PRKCD: variants seen among roughly 807,000 people sequenced by gnomAD.
PRKCD encodes protein kinase C delta type.
A neutral mutation model predicts 82.2 loss-of-function variants in PRKCD; 20 were observed. The observed-to-expected ratio is 0.24, with a 90% confidence interval of 0.17 to 0.35. The LOEUF is 0.35. PRKCD is among the 10% of genes least tolerant of loss of function. The pLI is 1.00. For synonymous variants in PRKCD, 317 were observed against 337.0 expected, an observed-to-expected ratio of 0.94 and a Z score of 0.65; for missense variants, 607 against 899.0, an observed-to-expected ratio of 0.68 and a Z score of 4.15.
At chr3:53,184,759 C>A in intron 9 of PRKCD, 115 bp from the exon 10 acceptor site, 1 of 728,966 alleles carries the variant, frequency 1.4e-6, no homozygotes, top group Non-Finnish European at 2.4e-6. Context: ...GAAACTGGAA[C>A]CCAGCAGACC....
chr3:53,182,988 G>T (rs752403737), intron 7 of PRKCD, 133 bp from the exon 8 acceptor site: 3 of 828,388 alleles, frequency 3.6e-6, no homozygotes, highest in Admixed American at 2.1e-5. Context: ...GGGCCTCTGC[G>T]GGGTGAGGGT....
chr3:53,168,958 C>T (rs116133750), intron 2 of PRKCD, among the ~76,000 whole-genome samples: 2,675 of 151,818 alleles, frequency 0.018, 73 homozygotes, highest in African/African-American at 0.06. Flanking sequence ...CTGAAAAGCC[C>T]CGTCTGGTGG....
At position 53,192,268 on chromosome 3, in the gene PRKCD, G is replaced by A; in HGVS notation, c.*2G>A. On this transcript the variant is annotated 3_prime_UTR_variant, in exon 19 of 19. Coordinates refer to ENST00000330452, the MANE Select transcript of PRKCD (RefSeq NM_006254.4). ...TTCGAGCACCTCCTGGAAGATTGAG[G>A]TTCCTGGACAGATCAGGCTAGCCCT... 2 of 1,613,932 alleles carry A rather than the reference G, an allele frequency of 1.2e-6. No homozygotes were observed. Among genetic ancestry groups the A allele is most frequent in the African/African-American group, 2.7e-5 (2 of 74,988 alleles).
rs1403111948 is a variant in PRKCD at position 53,192,314 on chromosome 3, C to T, written c.*48C>T. 7 of 1,595,132 alleles carry T rather than the reference C, an allele frequency of 4.4e-6. No homozygotes were observed. The highest frequency in any genetic ancestry group is 4.5e-5 in the East Asian group (2 of 44,610). ...GCCCTGCCCTCCACCCACACCTGCC[C>T]GCTCCCCACGATAAGCACCAGTGGG... is the stretch of plus-strand genomic sequence containing the variant. On this transcript the variant is annotated 3_prime_UTR_variant, in exon 19 of 19. Transcript: ENST00000330452.
chr3:53,182,709 A>G (rs1179056720), intron 7 of PRKCD, among the ~76,000 whole-genome samples: 2 of 152,346 alleles, frequency 1.3e-5, no homozygotes, highest in South Asian at 4.1e-4. Context: ...ATTATTACAC[A>G]TGCTTTGTGT....
At chr3:53,175,936 C>T (rs548212412) in intron 2 of PRKCD, among the ~76,000 whole-genome samples, 1 of 152,322 alleles carries the variant, frequency 6.6e-6, no homozygotes, top group Admixed American at 6.5e-5. Flanking sequence ...TGCACATGTG[C>T]GAGGCCAGGC....
intron 18 of PRKCD, among the ~76,000 whole-genome samples, chr3:53,190,245 C>T (rs1553670558): frequency 1.3e-5 from 2 of 152,168 alleles, no homozygotes. Context: ...AGAGTTAAGA[C>T]CTCACTTTAT....
At position 53,167,937 on chromosome 3, in the gene PRKCD, C is replaced by T. The variant is rs532546307; in HGVS notation, c.-20+2722C>T. Reference sequence around the variant, plus strand: ...TCCTGTTGGAGCAGCTCCACCCACTCAGCAGTCCAGCCCCTGCCTGCTCTT... The same window carrying T: ...TCCTGTTGGAGCAGCTCCACCCACTTAGCAGTCCAGCCCCTGCCTGCTCTT... On this transcript the variant is annotated intron_variant, in intron 2 of 18. Coordinates refer to ENST00000330452, the MANE Select transcript of PRKCD (RefSeq NM_006254.4). Among the ~76,000 whole-genome samples, 4 of 152,344 alleles carry T rather than the reference C, an allele frequency of 2.6e-5. No homozygotes were observed. The South Asian group carries it at 8.3e-4, about 32-fold the overall frequency.
In PRKCD at chr3:53,183,194, C is replaced by T. The variant is rs1703518480; in HGVS notation, c.645C>T (p.Ser215=). Residue 215 remains serine, a synonymous_variant, in exon 8 of 19, where the codon AGC becomes AGT. Coordinates refer to ENST00000330452, the MANE Select transcript of PRKCD (RefSeq NM_006254.4). ...GATGCACTGGCACCGCGGCCAACAGCCGGGACACTATAGTGAGCCTGGGTC... is the reference window on the plus strand; with the variant it reads ...GATGCACTGGCACCGCGGCCAACAGTCGGGACACTATAGTGAGCCTGGGTC... ...IGRCTGTAAN[S]RDTIFQKERF... 6.2e-7 allele frequency: 1 copy of T among 1,614,166 alleles called. No individual in the cohort carries two copies. The highest frequency in any genetic ancestry group is 8.5e-7 in the Non-Finnish European group (1 of 1,180,000).
Position 53,161,329 on chromosome 3 carries a change from A to G in PRKCD, c.-231A>G, listed in dbSNP as rs1553662901. 6.7e-6 allele frequency: 1 copy of G among 148,928 alleles called. No homozygotes were observed. The highest frequency in any genetic ancestry group is 1.5e-5 in the Non-Finnish European group (1 of 66,938). 9.2% of individuals were successfully genotyped at this position (148,928 alleles called of 1,614,324 possible). A position where few individuals can be genotyped will look rare whatever the true frequency, so the allele number is the denominator to read the frequency against. On this transcript the variant is annotated 5_prime_UTR_variant, in exon 1 of 19. Coordinates refer to ENST00000330452, the MANE Select transcript of PRKCD (RefSeq NM_006254.4). ...CCACACCTCACTGGCCGCTTGGCCC[A>G]TCCCAGTCAGCGCCGCGCCGAACCC...
In PRKCD at chr3:53,186,674, G is replaced by T; in HGVS notation, c.1331G>T (p.Arg444Leu). Residue 444 changes from arginine to leucine, a missense_variant, in exon 14 of 19, where the codon CGC becomes CTC. Arg to Leu is a moderately radical substitution (Grantham distance 102, BLOSUM62 -2). Transcript: ENST00000330452. ...ATGTACCACATCCAGGACAAAGGCC[G>T]CTTTGAACTCTACCGTGCCACGTAC... is the stretch of plus-strand genomic sequence containing the variant. The part of the protein sequence containing the change: ...DLMYHIQDKG[R>L]FELYRATFYA... 3 of 1,613,916 alleles carry T rather than the reference G, an allele frequency of 1.9e-6. No homozygotes were observed. The highest frequency in any genetic ancestry group is 1.1e-5 in the South Asian group (1 of 91,054).
intron 1 of PRKCD, among the ~76,000 whole-genome samples, chr3:53,164,255 A>G (rs937492610): frequency 3.4e-4 from 52 of 152,274 alleles, no homozygotes; most frequent in Non-Finnish European, 6.8e-4. Flanking sequence ...GTAATGTGAG[A>G]ATCACCTGAA....
intron 1 of PRKCD, 68 bp downstream of exon 1, chr3:53,161,496 C>G (rs1416262150): frequency 4.7e-4 from 71 of 152,026 alleles, no homozygotes; most frequent in African/African-American, 1.7e-3. Flanking sequence ...TTCCTTCCCC[C>G]TTCCCGCCCC....
At chr3:53,179,427 T>C in intron 3 of PRKCD, 150 bp from the exon 4 acceptor site, 1 of 973,142 alleles carries the variant, frequency 1.0e-6, no homozygotes, top group Non-Finnish European at 1.7e-6. Flanking sequence ...GTGCCCAAGG[T>C]AGTTCTGTGC....
rs1553668856 is a variant in PRKCD at position 53,185,716 on chromosome 3, T to C, written c.985+16T>C. 1 of 1,611,110 alleles carries C rather than the reference T, an allele frequency of 6.2e-7. No homozygotes were observed. Among genetic ancestry groups the C allele is most frequent in the South Asian group, 1.1e-5 (1 of 91,056 alleles). ...GACATGCAAGGTGAAGCTGGGTCCA[T>C]TGCCCCATTACGGTTTTTATTCCCC... On this transcript the variant is annotated intron_variant, in intron 11 of 18. Coordinates refer to ENST00000330452, the MANE Select transcript of PRKCD (RefSeq NM_006254.4).
Position 53,183,397 on chromosome 3 carries a change from A to G in PRKCD, c.658-55A>G, listed in dbSNP as rs2306572. 0.23 allele frequency: 365,849 copies of G among 1,606,326 alleles called. 42,967 individuals carry two copies. Among genetic ancestry groups the G allele is most frequent in the Middle Eastern group, 0.29 (1,757 of 6,024 alleles). On this transcript the variant is annotated intron_variant, in intron 8 of 18. Transcript: ENST00000330452. ...AGGGTTGGGGGAGAGCTAGGGGTTGAAGAAGAGGCTGGAGCTGGCACGTGA... is the reference window on the plus strand; with the variant it reads ...AGGGTTGGGGGAGAGCTAGGGGTTGGAGAAGAGGCTGGAGCTGGCACGTGA...
At chr3:53,179,511 G>A (rs782669061) in intron 3 of PRKCD, 66 bp from the exon 4 acceptor site, 10 of 1,596,794 alleles carry the variant, frequency 6.3e-6, no homozygotes, top group South Asian at 1.1e-5. Flanking sequence ...GGGGAAGGCC[G>A]TGGAGGTCTA....
At chr3:53,174,231 A>T (rs1703141431) in intron 2 of PRKCD, among the ~76,000 whole-genome samples, 1 of 152,246 alleles carries the variant, frequency 6.6e-6, no homozygotes. Context: ...GCCAAGATTC[A>T]TACCTAGACA....
intron 2 of PRKCD, among the ~76,000 whole-genome samples, chr3:53,176,453 G>A (rs1019417239): frequency 3.0e-4 from 46 of 152,276 alleles, no homozygotes; most frequent in African/African-American, 1.1e-3. Flanking sequence ...GCAGGAGCTG[G>A]AGGAAGTCAT....
Sources: allele counts gnomAD v4.1 joint callset (sites outside exome capture counted in the v4.1 genomes callset), GRCh38; gene constraint gnomAD v4.1.1; transcripts MANE v1.5; gene names NCBI Gene and HGNC (gene_info 2026-07-23, HGNC 2026-07-21).